The following ZNF599 variants were observed in gnomAD, a reference collection of about 807,000 sequenced individuals.
The protein encoded by ZNF599 is zinc finger protein 599.
A neutral mutation model predicts 11.7 loss-of-function variants in ZNF599; 10 were observed. The ratio of observed to expected loss-of-function variants is 0.86; its 90% CI spans 0.53 to 1.45. The LOEUF is 1.45. Ranked by LOEUF, ZNF599 falls within the 40% of genes most tolerant of loss-of-function variation. ZNF599 has a pLI of 0.00. For synonymous variants in ZNF599, 232 were observed against 253.2 expected (o/e 0.92, Z 0.79); for missense variants, 688 against 713.6 (o/e 0.96, Z 0.41).
intron 3 of ZNF599, chr19:34,765,249 C>T (rs1428483966): frequency 3.8e-6 from 1 of 260,484 alleles, no homozygotes; most frequent in Non-Finnish European, 7.5e-6. Context: ...AAAATGTTGG[C>T]AGGACCTCGA....
chr19:34,783,231 G>A, the ZNF599 span, among the ~76,000 whole-genome samples: 1 of 152,196 alleles, frequency 6.6e-6, no homozygotes, highest in African/African-American at 2.4e-5. Flanking sequence ...AAGAAGAGGG[G>A]CCATGCCACG....
intron 3 of ZNF599, chr19:34,764,940 G>A (rs1405812427): frequency 7.9e-5 from 12 of 152,038 alleles, no homozygotes; most frequent in Admixed American, 7.2e-4. Flanking sequence ...AAAGTCTTGT[G>A]TAGATGTCTC....
the ZNF599 span, among the ~76,000 whole-genome samples, chr19:34,803,820 C>G: frequency 6.6e-6 from 1 of 152,146 alleles, no homozygotes; most frequent in Non-Finnish European, 1.5e-5. Context: ...TCCTTAAGTC[C>G]CAAATACCAG....
chr19:34,777,483 ATAAT>A (rs2069226363), upstream of ZNF599, among the ~76,000 whole-genome samples: 1 of 106,008 alleles, frequency 9.4e-6, no homozygotes, highest in South Asian at 2.4e-4. Flanking sequence ...TAATTAATAT[ATAAT>A]ATATGATATA....
At position 34,759,473 on chromosome 19, in the gene ZNF599, C is replaced by T; in HGVS notation, c.1328G>A (p.Arg443Lys). 6.2e-7 allele frequency: 1 copy of T among 1,614,122 alleles called. No homozygotes were observed. Among genetic ancestry groups the T allele is most frequent in the Non-Finnish European group, 8.5e-7 (1 of 1,179,984 alleles). The change falls in exon 4 of 4, where the codon AGG becomes AAG. Residue 443 changes from arginine (R) to lysine (K), a missense_variant. Coordinates refer to ENST00000329285, the MANE Select transcript of ZNF599 (RefSeq NM_001007248.3). ...CDSSSLIQHM[R>K]IHTGEKPYEC... is the part of the protein sequence containing the mutation. ...ATAAGGCTTCTCACCAGTGTGAATC[C>T]TCATATGTTGAATTAAGGAAGAGCT...
chr19:34,760,255 G>C lies in ZNF599; in HGVS notation c.546C>G (p.Asp182Glu), dbSNP rs751079677. The change falls in exon 4 of 4, where the codon GAC becomes GAG. Residue 182 changes from aspartate to glutamate, a missense_variant. Transcript: ENST00000329285. Reference protein sequence around the residue: ...VTPQDALHECDSQGPGKDPMT... With the variant: ...VTPQDALHECESQGPGKDPMT... ...TGGGGTCTTTTCCTGGTCCTTGAGAGTCACACTCATGGAGAGCATCTTGTG... is the reference window on the plus strand; with the variant it reads ...TGGGGTCTTTTCCTGGTCCTTGAGACTCACACTCATGGAGAGCATCTTGTG... 5.6e-6 allele frequency: 9 copies of C among 1,614,074 alleles called. No individual in the cohort carries two copies. The highest frequency in any genetic ancestry group is 2.7e-5 in the African/African-American group (2 of 74,920).
the ZNF599 span, among the ~76,000 whole-genome samples, chr19:34,794,343 T>A: frequency 6.6e-6 from 1 of 152,154 alleles, no homozygotes; most frequent in Non-Finnish European, 1.5e-5. Flanking sequence ...GTCACGGCAC[T>A]GGTGGGAGTT....
chr19:34,765,004 G>T, intron 3 of ZNF599: 1 of 151,272 alleles, frequency 6.6e-6, no homozygotes, highest in African/African-American at 2.4e-5. Flanking sequence ...GTGAAATAGA[G>T]TCAACAATAT....
At chr19:34,793,018 A>G in the ZNF599 span, among the ~76,000 whole-genome samples, 3 of 152,242 alleles carry the variant, frequency 2.0e-5, no homozygotes, top group Non-Finnish European at 4.4e-5. Context: ...AAGTCAGCAC[A>G]GTGACGCCTT....
At chr19:34,800,784 G>A in the ZNF599 span, among the ~76,000 whole-genome samples, 5 of 151,520 alleles carry the variant, frequency 3.3e-5, no homozygotes, top group African/African-American at 7.3e-5. Context: ...TAGTAGAGAC[G>A]GGGTTTCACC....
the ZNF599 span, among the ~76,000 whole-genome samples, chr19:34,804,015 A>G: frequency 1.3e-5 from 2 of 152,184 alleles, no homozygotes; most frequent in Admixed American, 6.5e-5. Context: ...AGAATCTAGT[A>G]CTTCCCCAAG....
chr19:34,804,149 G>A, the ZNF599 span, among the ~76,000 whole-genome samples: 16 of 152,248 alleles, frequency 1.1e-4, no homozygotes, highest in South Asian at 4.1e-4. Flanking sequence ...ATACCTCCCC[G>A]CAAACTGCTG....
the ZNF599 span, among the ~76,000 whole-genome samples, chr19:34,783,705 G>A: frequency 6.6e-6 from 1 of 152,138 alleles, no homozygotes. Context: ...ATCAATACAA[G>A]GGGCCCAACG....
At chr19:34,776,163 T>C (rs1489382012), upstream of ZNF599, among the ~76,000 whole-genome samples, 4 of 152,226 alleles carry the variant, frequency 2.6e-5, no homozygotes, top group Admixed American at 2.0e-4. Context: ...TGCTACTACT[T>C]TGATTTATTT....
rs139585753 is a variant in ZNF599, at chr19:34,760,168, C to A, written c.633G>T (p.Lys211Asn). The change falls in exon 4 of 4, where the codon AAG (lysine) becomes AAT (asparagine). Residue 211 changes from lysine (K) to asparagine (N), a missense_variant. Transcript: ENST00000329285. ...TCTGTTGATGCCGAACAAGGGCCCA[C>A]TTCTTGCTAAACCCTTTCCCACATT... Reference protein sequence around the residue: ...CTECGKGFSKKWALVRHQQIH... With the variant: ...CTECGKGFSKNWALVRHQQIH... 6.8e-6 allele frequency: 11 copies of A among 1,614,058 alleles called. No homozygotes were observed. Among genetic ancestry groups the A allele is most frequent in the East Asian group, 2.2e-5 (1 of 44,894 alleles).
the ZNF599 span, chr19:34,788,569 T>A: frequency 6.6e-6 from 1 of 152,182 alleles, no homozygotes; most frequent in Non-Finnish European, 1.5e-5. Flanking sequence ...TTAACCTGCA[T>A]AAAATGAAAT....
chr19:34,766,507 A>C (rs1283010739), intron 3 of ZNF599, among the ~76,000 whole-genome samples: 1 of 152,202 alleles, frequency 6.6e-6, no homozygotes, highest in African/African-American at 2.4e-5. Flanking sequence ...CTGAGCTATC[A>C]CTATTCCTTA....
chr19:34,803,901 G>A, the ZNF599 span, among the ~76,000 whole-genome samples: 2 of 152,158 alleles, frequency 1.3e-5, no homozygotes, highest in Non-Finnish European at 2.9e-5. Flanking sequence ...ATCTCCAGAT[G>A]TCATAGATAT....
chr19:34,794,884 T>C, the ZNF599 span, among the ~76,000 whole-genome samples: 1 of 152,088 alleles, frequency 6.6e-6, no homozygotes, highest in Non-Finnish European at 1.5e-5. Context: ...CTTCTTAATC[T>C]TAAGGGGTTG....
Sources: gnomAD v4.1 joint callset for allele counts (sites outside exome capture counted in the v4.1 genomes callset) on GRCh38, gnomAD v4.1.1 for gene constraint, MANE v1.5 for transcripts, NCBI Gene and HGNC (gene_info 2026-07-23, HGNC 2026-07-21) for gene names.